Variants in WFS1 observed in about 807,000 individuals in gnomAD.
WFS1 encodes the protein wolframin.
Under a neutral mutation model 68.5 loss-of-function variants are expected in WFS1, and 90 were observed. The ratio of observed to expected loss-of-function variants is 1.31; its 90% confidence interval spans 1.11 to 1.56. The LOEUF is 1.56. Ranked by LOEUF, WFS1 falls within the 40% of genes most tolerant of loss-of-function variation. WFS1 has a pLI of 0.00. For synonymous variants in WFS1, 860 were observed against 540.7 expected, an observed-to-expected ratio of 1.59 and a Z score of -8.19; for missense variants, 1,767 against 1,232.6, an observed-to-expected ratio of 1.43 and a Z score of -6.49.
chr4:6,302,737 A>G lies in WFS1; in HGVS notation c.*269A>G. ...CCTTTCTGAGTGACATGGGTGTGCC[A>G]GGCTAGACTAGGAGGTTCCGGTGTC... On this transcript the variant is annotated 3_prime_UTR_variant, in exon 8 of 8. Transcript: ENST00000226760. 1.7e-6 allele frequency: 1 copy of G among 576,814 alleles called. No individual in the cohort carries two copies. Among genetic ancestry groups the G allele is most frequent in the Non-Finnish European group, 3.1e-6 (1 of 327,300 alleles). 35.7% of individuals were successfully genotyped at this position (576,814 alleles called of 1,614,324 possible).
rs376973865 is a variant in WFS1 at position 6,292,016 on chromosome 4, C to T, written c.712+19C>T. 3.0e-5 allele frequency: 47 copies of T among 1,591,946 alleles called. No homozygotes were observed. The African/African-American group carries it at 5.8e-4, about 20-fold the overall frequency. On this transcript the variant is annotated intron_variant, in intron 6 of 7. Transcript: ENST00000226760. Reference sequence around the variant, plus strand: ...AGCGAGTGTGAGTGCAGCCCCTGCCCCGTCTCACCCATGCCTCCCAGCCTG... The same window carrying T: ...AGCGAGTGTGAGTGCAGCCCCTGCCTCGTCTCACCCATGCCTCCCAGCCTG...
At chr4:6,284,810 C>T (rs1730265207) in intron 2 of WFS1, among the ~76,000 whole-genome samples, 2 of 150,580 alleles carry the variant, frequency 1.3e-5, no homozygotes, top group African/African-American at 4.9e-5. Context: ...TCGCACAGCA[C>T]CTTACTGTGG....
intron 5 of WFS1, 93 bp from the exon 6 acceptor site, chr4:6,291,824 T>C: frequency 7.3e-7 from 1 of 1,361,342 alleles, no homozygotes; most frequent in Non-Finnish European, 1.0e-6. Flanking sequence ...GGAACTGGCG[T>C]GCCCTAGGAA....
rs1363974039 is a variant in WFS1, at chr4:6,301,702, T to C, written c.1907T>C (p.Ile636Thr). The C allele has an allele frequency of 4.3e-6, 7 of 1,613,958 alleles. No individual in the cohort carries two copies. In the East Asian group the frequency reaches 1.3e-4, roughly 31 times the overall value. The change falls in exon 8 of 8, where the codon ATC (isoleucine) becomes ACC (threonine). Residue 636 changes from isoleucine (I) to threonine (T), a missense_variant. Physicochemically the swap from Ile to Thr is moderately conservative, Grantham distance 89. Transcript: ENST00000226760. Reference protein sequence around the residue: ...SLTRSSMVKLILVWLTAIVLF... With the variant: ...SLTRSSMVKLTLVWLTAIVLF... ...ACGCGGAGCTCCATGGTCAAGCTCA[T>C]CCTGGTGTGGCTCACGGCCATCGTG...
intron 2 of WFS1, among the ~76,000 whole-genome samples, chr4:6,284,351 C>T (rs534334616): frequency 9.1e-4 from 138 of 151,954 alleles, no homozygotes; most frequent in Non-Finnish European, 1.6e-3. Context: ...CCAGCCTGGG[C>T]GATGAGAGTG....
In WFS1 at chr4:6,302,371, G is replaced by A. The variant is rs121912618; in HGVS notation, c.2576G>A (p.Arg859Gln). The change falls in exon 8 of 8, where the codon CGG becomes CAG. Residue 859 changes from arginine (R) to glutamine (Q), a missense_variant. Transcript: ENST00000226760. ...NCMAQLSPTR[R>Q]HVKIEHDWRS... The stretch of plus-strand genomic sequence containing the variant: ...ATGGCCCAGCTCTCACCCACCAGGC[G>A]GCACGTGAAGATCGAGCACGACTGG... The A allele has an allele frequency of 2.7e-5, 44 of 1,613,106 alleles. No homozygotes were observed. Among genetic ancestry groups the A allele is most frequent in the Admixed American group, 8.3e-5 (5 of 60,028 alleles).
intron 7 of WFS1, among the ~76,000 whole-genome samples, chr4:6,299,339 C>T (rs1217749880): frequency 2.0e-5 from 3 of 152,184 alleles, no homozygotes; most frequent in African/African-American, 7.2e-5. Flanking sequence ...GCGCTGCATG[C>T]AGAGCAGGGG....
rs976220840 is a variant in WFS1 at position 6,278,998 on chromosome 4, G to A, written c.232+1311G>A. On this transcript the variant is annotated intron_variant, in intron 2 of 7. Transcript: ENST00000226760. The stretch of plus-strand genomic sequence containing the variant: ...AAGCAGCTGTGGTTTGTTTGGCTTC[G>A]GTCTCCAATGTGGGGGTGGTGAAGA... Among the ~76,000 whole-genome samples the A allele has an allele frequency of 9.9e-5, 15 of 152,284 alleles. 1 individual carries two copies. The highest frequency in any genetic ancestry group is 2.9e-4 in the African/African-American group (12 of 41,570).
In WFS1 at chr4:6,302,393, C is replaced by G. The variant is rs772868825; in HGVS notation, c.2598C>G (p.Asp866Glu). 2.5e-6 allele frequency: 4 copies of G among 1,613,148 alleles called. No homozygotes were observed. The highest frequency in any genetic ancestry group is 3.4e-6 in the Non-Finnish European group (4 of 1,179,988). ...PTRRHVKIEHDWRSTVHGAVK... is the reference protein window; with the variant it reads ...PTRRHVKIEHEWRSTVHGAVK... Reference sequence around the variant, plus strand: ...GGCGGCACGTGAAGATCGAGCACGACTGGCGCAGCACCGTGCATGGCGCCG... The same window carrying G: ...GGCGGCACGTGAAGATCGAGCACGAGTGGCGCAGCACCGTGCATGGCGCCG... Residue 866 changes from aspartate to glutamate, a missense_variant, in exon 8 of 8, where the codon GAC (aspartate) becomes GAG (glutamate). Transcript: ENST00000226760.
Position 6,301,786 on chromosome 4 carries a change from T to G in WFS1, c.1991T>G (p.Leu664Arg). The G allele has an allele frequency of 6.2e-7, 1 of 1,613,502 alleles. No individual in the cohort carries two copies. Among genetic ancestry groups the G allele is most frequent in the Non-Finnish European group, 8.5e-7 (1 of 1,180,016 alleles). Residue 664 changes from leucine (L) to arginine (R), a missense_variant, in exon 8 of 8, where the codon CTG (leucine) becomes CGG (arginine). By Grantham distance (102) the Leu-to-Arg change is moderately radical. Coordinates refer to ENST00000226760, the MANE Select transcript of WFS1 (RefSeq NM_006005.3). ...SEGMKVYNST[L>R]TWQQYGALCG... ...GGCATGAAGGTCTACAACTCCACAC[T>G]GACCTGGCAGCAGTATGGTGCGCTG...
intron 7 of WFS1, among the ~76,000 whole-genome samples, chr4:6,299,266 T>A (rs1411978173): frequency 6.6e-6 from 1 of 152,228 alleles, no homozygotes; most frequent in East Asian, 1.9e-4. Flanking sequence ...GCTCCCAGCA[T>A]GCCTCCCTCA....
chr4:6,285,922 A>G (rs1290535474), intron 2 of WFS1, among the ~76,000 whole-genome samples: 1 of 152,258 alleles, frequency 6.6e-6, no homozygotes, highest in Non-Finnish European at 1.5e-5. Flanking sequence ...CTTCTTAGGA[A>G]GTAAAATGCA....
Position 6,302,800 on chromosome 4 carries a change from C to T in WFS1, c.*332C>T, listed in dbSNP as rs182351379. ...TTACAGATGAGATTCCCTCTCCTCC[C>T]CCACCTTCAAGCACCCTGTTCCCTC... On this transcript the variant is annotated 3_prime_UTR_variant, in exon 8 of 8. Transcript: ENST00000226760. The T allele has an allele frequency of 4.6e-6, 2 of 437,328 alleles. No individual in the cohort carries two copies. The highest frequency in any genetic ancestry group is 4.2e-5 in the East Asian group (1 of 23,790). 27.1% of individuals were successfully genotyped at this position (437,328 alleles called of 1,614,324 possible).
At chr4:6,291,812 C>G in intron 5 of WFS1, 105 bp from the exon 6 acceptor site, 1 of 1,267,094 alleles carries the variant, frequency 7.9e-7, no homozygotes, top group Non-Finnish European at 1.1e-6. Context: ...TAGGATGCCC[C>G]TGGAACTGGC....
At chr4:6,293,066 G>A (rs147869557) in intron 6 of WFS1, among the ~76,000 whole-genome samples, 2 of 152,320 alleles carry the variant, frequency 1.3e-5, no homozygotes, top group East Asian at 3.9e-4. Flanking sequence ...GAAGCCCGAG[G>A]ACCAGAGAGG....
intron 1 of WFS1, among the ~76,000 whole-genome samples, chr4:6,274,275 C>G (rs1172830211): frequency 3.3e-5 from 5 of 151,898 alleles, no homozygotes; most frequent in African/African-American, 1.2e-4. Flanking sequence ...TCTTGATCTC[C>G]TGACCTTGTG....
At chr4:6,274,884 T>C (rs1393513762) in intron 1 of WFS1, among the ~76,000 whole-genome samples, 1 of 152,054 alleles carries the variant, frequency 6.6e-6, no homozygotes, top group African/African-American at 2.4e-5. Context: ...TGCAGAAGCA[T>C]TAGAATTGGG....
chr4:6,284,857 C>T (rs1258470126), intron 2 of WFS1, among the ~76,000 whole-genome samples: 11 of 150,252 alleles, frequency 7.3e-5, no homozygotes, highest in Admixed American at 5.3e-4. Flanking sequence ...TCATTGTGAT[C>T]GCTCACGCTG....
chr4:6,302,109 C>CT lies in WFS1; in HGVS notation c.2314_2315insT (p.Arg772LeufsTer5), dbSNP rs1560421457. ...CCCCTGCCACATCAAGAAGTTCGAC[C>CT]GCTACAAGTTTGAGATTACCGTGGG... On this transcript the variant is annotated frameshift_variant, in exon 8 of 8. Transcript: ENST00000226760. LOFTEE classifies it high-confidence loss of function. 1.9e-6 allele frequency: 3 copies of CT among 1,612,820 alleles called. No homozygotes were observed. The highest frequency in any genetic ancestry group is 8.5e-7 in the Non-Finnish European group (1 of 1,180,024).
Sources: gnomAD v4.1 joint callset for allele counts (sites outside exome capture counted in the v4.1 genomes callset) on GRCh38, gnomAD v4.1.1 for gene constraint, MANE v1.5 for transcripts, NCBI Gene and HGNC (gene_info 2026-07-23, HGNC 2026-07-21) for gene names.